NIBAN1: variants seen among roughly 807,000 people sequenced by gnomAD.
The protein encoded by NIBAN1 is niban apoptosis regulator 1.
Under a neutral mutation model 75.1 loss-of-function variants are expected in NIBAN1, and 81 were observed. The ratio of observed to expected loss-of-function variants is 1.08; its 90% CI spans 0.90 to 1.30. The LOEUF (loss-of-function observed/expected upper bound fraction) is 1.30, where lower values mean the gene tolerates loss of function less well. NIBAN1 is among the 50% of genes most tolerant of loss of function. The probability of loss-of-function intolerance (pLI) is 0.00; values close to 1 mark genes in which losing one functional copy is unlikely to be tolerated. For missense variants in NIBAN1, 1,133 were observed against 1,128.1 expected (o/e 1.00, Z -0.06); for synonymous variants, 436 against 424.8 (o/e 1.03, Z -0.32).
intron 5 of NIBAN1, among the ~76,000 whole-genome samples, chr1:184,854,624 T>C (rs1486719242): frequency 6.6e-6 from 1 of 152,212 alleles, no homozygotes; most frequent in East Asian, 1.9e-4. Context: ...CCTGCTCAGT[T>C]TGGTAGAAAA....
intron 1 of NIBAN1, among the ~76,000 whole-genome samples, chr1:184,907,157 A>G (rs1657126703): frequency 6.6e-6 from 1 of 152,216 alleles, no homozygotes. Context: ...ATTCTTTTTA[A>G]AAATAGTTGA....
At chr1:184,802,782 TG>T (rs1654080370) in intron 12 of NIBAN1, among the ~76,000 whole-genome samples, 1 of 152,208 alleles carries the variant, frequency 6.6e-6, no homozygotes, top group Admixed American at 6.5e-5. Context: ...AGATTATTTT[TG>T]AAATGTAGAA....
At chr1:184,903,082 T>C (rs924350767) in intron 1 of NIBAN1, among the ~76,000 whole-genome samples, 1 of 152,220 alleles carries the variant, frequency 6.6e-6, no homozygotes, top group Non-Finnish European at 1.5e-5. Context: ...CTGAATTCCT[T>C]TCATATCCCT....
In NIBAN1 at chr1:184,894,055, G is replaced by A; in HGVS notation, c.318+20C>T. The A allele has an allele frequency of 6.3e-7, 1 of 1,585,030 alleles. No individual in the cohort carries two copies. Among genetic ancestry groups the A allele is most frequent in the Non-Finnish European group, 8.6e-7 (1 of 1,168,554 alleles). On this transcript the variant is annotated intron_variant, in intron 3 of 13. Transcript: ENST00000367511. Reference sequence around the variant, plus strand: ...TTTAAGAACAGTGTAAGAATCAGTAGTAACAAAGAAGTGTCTTACCTCTTT... The same window carrying A: ...TTTAAGAACAGTGTAAGAATCAGTAATAACAAAGAAGTGTCTTACCTCTTT...
intron 12 of NIBAN1, among the ~76,000 whole-genome samples, chr1:184,801,990 AT>A (rs1450091673): frequency 1.3e-5 from 2 of 152,066 alleles, no homozygotes; most frequent in African/African-American, 2.4e-5. Context: ...AGTCAGAATC[AT>A]TTTTTTCACA....
intron 2 of NIBAN1, among the ~76,000 whole-genome samples, chr1:184,898,647 T>C (rs889881646): frequency 6.6e-6 from 1 of 152,156 alleles, no homozygotes; most frequent in Admixed American, 6.6e-5. Flanking sequence ...TTATTTCTTT[T>C]TAGCATTTAT....
chr1:184,955,301 CT>C (rs763916434), intron 1 of NIBAN1, among the ~76,000 whole-genome samples: 1 of 149,182 alleles, frequency 6.7e-6, no homozygotes, highest in African/African-American at 2.5e-5. Flanking sequence ...TCAATCTTTT[CT>C]TTTCTTTTCC....
At chr1:184,961,041 C>A (rs1194573454) in intron 1 of NIBAN1, among the ~76,000 whole-genome samples, 2 of 148,296 alleles carry the variant, frequency 1.3e-5, no homozygotes, top group Non-Finnish European at 3.0e-5. Flanking sequence ...CCCTCCTCCC[C>A]CTTCTATATG....
At chr1:184,833,578 C>T (rs1655054785) in intron 5 of NIBAN1, among the ~76,000 whole-genome samples, 1 of 151,924 alleles carries the variant, frequency 6.6e-6, no homozygotes, top group Non-Finnish European at 1.5e-5. Flanking sequence ...GGCACATGCC[C>T]ATAGTCCCAG....
chr1:184,961,818 T>G (rs1411065438), intron 1 of NIBAN1, among the ~76,000 whole-genome samples: 1 of 152,244 alleles, frequency 6.6e-6, no homozygotes, highest in Non-Finnish European at 1.5e-5. Context: ...TTCTTTGCTC[T>G]TATAAGGAGA....
At chr1:184,861,688 T>G (rs1456934657) in intron 5 of NIBAN1, among the ~76,000 whole-genome samples, 806 of 74,974 alleles carry the variant, frequency 0.011, no homozygotes, top group Middle Eastern at 0.022. Flanking sequence ...AGGGAAGGAG[T>G]GAGGGAAGGA....
intron 1 of NIBAN1, among the ~76,000 whole-genome samples, chr1:184,916,518 C>T (rs1297954079): frequency 6.6e-6 from 1 of 152,050 alleles, no homozygotes; most frequent in African/African-American, 2.4e-5. Context: ...CATTAACTTC[C>T]CTTTATTCCC....
At chr1:184,914,184 C>T (rs1215270534) in intron 1 of NIBAN1, among the ~76,000 whole-genome samples, 5 of 152,156 alleles carry the variant, frequency 3.3e-5, no homozygotes, top group Non-Finnish European at 7.3e-5. Context: ...GGTCTAAATC[C>T]TCATTAAGTT....
At chr1:184,880,360 C>A (rs949541855) in intron 5 of NIBAN1, among the ~76,000 whole-genome samples, 1 of 152,230 alleles carries the variant, frequency 6.6e-6, no homozygotes, top group African/African-American at 2.4e-5. Context: ...CCATTGTGAC[C>A]TTTCTGAAGT....
Position 184,955,356 on chromosome 1 carries a change from C to CCTTTCCTTTCCTTTCCTTTCCTTTT in NIBAN1, c.55+18945_55+18946insAAAAGGAAAGGAAAGGAAAGGAAAG. ...CCTTTCCTTTCCTTTCCTTTCCTTT[C>CCTTTCCTTTCCTTTCCTTTCCTTTT]CTTTTCTTTTTTGTTTTGTTTTTGA... On this transcript the variant is annotated intron_variant, in intron 1 of 13. Coordinates refer to ENST00000367511, the MANE Select transcript of NIBAN1 (RefSeq NM_052966.4). Among the ~76,000 whole-genome samples, 5 of 147,300 alleles carry CCTTTCCTTTCCTTTCCTTTCCTTTT rather than the reference C, an allele frequency of 3.4e-5. 1 individual carries two copies. Among genetic ancestry groups the CCTTTCCTTTCCTTTCCTTTCCTTTT allele is most frequent in the South Asian group, 4.3e-4 (2 of 4,692 alleles).
intron 6 of NIBAN1, among the ~76,000 whole-genome samples, chr1:184,827,955 T>TGG (rs1654889191): frequency 6.7e-6 from 1 of 149,918 alleles, no homozygotes; most frequent in Non-Finnish European, 1.5e-5. Context: ...GTAGTTTTGT[T>TGG]TTTTGTTTTT....
intron 1 of NIBAN1, among the ~76,000 whole-genome samples, chr1:184,945,003 C>A (rs749641743): frequency 2.0e-5 from 3 of 152,068 alleles, no homozygotes; most frequent in Non-Finnish European, 4.4e-5. Context: ...GAAAAGAAAT[C>A]ATATTATTGA....
At chr1:184,829,330 T>C (rs74465101) in intron 6 of NIBAN1, among the ~76,000 whole-genome samples, 2,054 of 152,196 alleles carry the variant, frequency 0.013, 23 homozygotes, top group Non-Finnish European at 0.022. Flanking sequence ...TCTATGTGTG[T>C]CTCGCCTCAC....
chr1:184,842,677 C>T (rs1231386525), intron 5 of NIBAN1, among the ~76,000 whole-genome samples: 2 of 138,814 alleles, frequency 1.4e-5, no homozygotes, highest in South Asian at 2.3e-4. Flanking sequence ...CACTTGAACC[C>T]GGGAGGCGGA....
Sources: gnomAD v4.1 joint callset for allele counts (sites outside exome capture counted in the v4.1 genomes callset) on GRCh38, gnomAD v4.1.1 for gene constraint, MANE v1.5 for transcripts, NCBI Gene and HGNC (gene_info 2026-07-23, HGNC 2026-07-21) for gene names.